The following PIKFYVE variants were observed in gnomAD, a reference collection of about 807,000 sequenced individuals.
PIKFYVE encodes 1-phosphatidylinositol 3-phosphate 5-kinase.
Under a neutral mutation model 257.9 loss-of-function variants are expected in PIKFYVE, and 122 were observed. The ratio of observed to expected loss-of-function variants is 0.47; its 90% CI spans 0.41 to 0.55. The LOEUF is 0.55. Among genes scored for constraint, PIKFYVE ranks in the 20% least tolerant of loss-of-function variants. PIKFYVE has a pLI of 0.00. For synonymous variants in PIKFYVE, 892 were observed against 868.9 expected (o/e 1.03, Z -0.47); for missense variants, 2,160 against 2,536.6 (o/e 0.85, Z 3.19).
In PIKFYVE at chr2:208,355,445, G is replaced by A. The variant is rs1431630306; in HGVS notation, c.*140G>A. On this transcript the variant is annotated 3_prime_UTR_variant, in exon 42 of 42. Transcript: ENST00000264380. ...TTTCAGTTCTGTGGCTGTTTAGACT[G>A]TCCGTAATGGAATGGTAAAACTCCA... The A allele has an allele frequency of 3.0e-6, 2 of 665,214 alleles. No individual in the cohort carries two copies. Among genetic ancestry groups the A allele is most frequent in the Non-Finnish European group, 5.2e-6 (2 of 386,060 alleles). The allele number at this position is 665,214 out of a possible 1,614,324, so 41.2% of individuals were successfully genotyped here. A position where few individuals can be genotyped will look rare whatever the true frequency, so the allele number is the denominator to read the frequency against.
chr2:208,277,407 C>A, intron 4 of PIKFYVE, 130 bp from the exon 5 acceptor site: 1 of 955,082 alleles, frequency 1.0e-6, no homozygotes, highest in Non-Finnish European at 1.6e-6. Context: ...TTATTTTGAC[C>A]TTTCGTATTC....
chr2:208,284,261 CT>C (rs35089730), intron 5 of PIKFYVE, among the ~76,000 whole-genome samples: 18,120 of 139,800 alleles, frequency 0.13, 1,113 homozygotes, highest in Non-Finnish European at 0.15. Context: ...CATTTCTATC[CT>C]TTTTTTTTTT....
chr2:208,320,214 A>AT, intron 16 of PIKFYVE, 38 bp from the exon 17 acceptor site: 1 of 1,596,994 alleles, frequency 6.3e-7, no homozygotes, highest in Non-Finnish European at 8.5e-7. Flanking sequence ...TAAAATGCAA[A>AT]CCTTTAAACA....
At position 208,324,224 on chromosome 2, in the gene PIKFYVE, G is replaced by A. The variant is rs765434299; in HGVS notation, c.2273G>A (p.Arg758Gln). 2.8e-5 allele frequency: 45 copies of A among 1,613,746 alleles called. No homozygotes were observed. Among genetic ancestry groups the A allele is most frequent in the Non-Finnish European group, 3.6e-5 (43 of 1,179,890 alleles). Residue 758 changes from arginine to glutamine, a missense_variant, in exon 18 of 42, where the codon CGG becomes CAG. Around this residue, in one of 12 missense-constraint regions of PIKFYVE, gnomAD observed 346 missense variants for 365.6 expected, o/e 0.95. Coordinates refer to ENST00000264380, the MANE Select transcript of PIKFYVE (RefSeq NM_015040.4). ...TLVLVEKTVS[R>Q]IAQDMLLEHG... ...GTTCTTGTTGAGAAAACAGTGTCTC[G>A]GATTGCCCAGGACATGTTATTGGAA...
intron 31 of PIKFYVE, among the ~76,000 whole-genome samples, chr2:208,340,866 A>G (rs1212933655): frequency 6.6e-6 from 1 of 152,144 alleles, no homozygotes; most frequent in Non-Finnish European, 1.5e-5. Context: ...ACAGTACAGT[A>G]TGTGATATGT....
chr2:208,313,933 A>G (rs937107628), intron 13 of PIKFYVE, among the ~76,000 whole-genome samples: 1 of 152,176 alleles, frequency 6.6e-6, no homozygotes, highest in Non-Finnish European at 1.5e-5. Context: ...TAAAAATTAA[A>G]AGGAGAAGCA....
At chr2:208,340,218 G>C (rs1574712058) in intron 31 of PIKFYVE, 87 bp downstream of exon 31, 3 of 1,499,526 alleles carry the variant, frequency 2.0e-6, no homozygotes, top group East Asian at 2.3e-5. Flanking sequence ...TTTATCTGAT[G>C]CATGATTTTT....
rs200778114 is a variant in PIKFYVE, at chr2:208,269,729, TA to T, written c.-9-1779del. On this transcript the variant is annotated intron_variant, in intron 1 of 41. Coordinates refer to ENST00000264380, the MANE Select transcript of PIKFYVE (RefSeq NM_015040.4). ...GGGATCTTGCCATCCCCCACTCAGT[TA>T]AACAGCTTGAAGGCCACCTTGAACT... 1.3e-3 allele frequency: 314 copies of T among 250,054 alleles called. No homozygotes were observed. The East Asian group carries it at 0.02, about 16-fold the overall frequency. The allele number at this position is 250,054 out of a possible 1,614,324, so 15.5% of individuals were successfully genotyped here. A position where few individuals can be genotyped will look rare whatever the true frequency, so the allele number is the denominator to read the frequency against.
intron 36 of PIKFYVE, among the ~76,000 whole-genome samples, chr2:208,350,489 TA>T (rs1188612718): frequency 6.6e-6 from 1 of 152,208 alleles, no homozygotes; most frequent in Non-Finnish European, 1.5e-5. Flanking sequence ...ATATGGTAGG[TA>T]ACAAGTGTAA....
intron 12 of PIKFYVE, among the ~76,000 whole-genome samples, chr2:208,310,120 T>G (rs753913434): frequency 1.9e-4 from 29 of 152,196 alleles, no homozygotes; most frequent in Admixed American, 5.2e-4. Context: ...CGTAATAGTT[T>G]GCTGAGTGTT....
intron 23 of PIKFYVE, among the ~76,000 whole-genome samples, chr2:208,332,156 G>GTCAT (rs1697616358): frequency 6.6e-6 from 1 of 151,992 alleles, no homozygotes; most frequent in Admixed American, 6.5e-5. Flanking sequence ...ATAGAAAAAT[G>GTCAT]GGCAGAGGAC....
chr2:208,344,976 G>C, intron 32 of PIKFYVE, 135 bp from the exon 33 acceptor site: 1 of 671,934 alleles, frequency 1.5e-6, no homozygotes, highest in South Asian at 1.8e-5. Flanking sequence ...GCTTTTGTCA[G>C]TTAACCAAAA....
At chr2:208,349,139 G>A (rs1357609047) in intron 35 of PIKFYVE, among the ~76,000 whole-genome samples, 1 of 152,066 alleles carries the variant, frequency 6.6e-6, no homozygotes, top group African/African-American at 2.4e-5. Context: ...CTCCTGCCTG[G>A]GTGACAGCAA....
Position 208,350,769 on chromosome 2 carries a change from A to G in PIKFYVE, c.5435-2A>G. 1 of 1,614,080 alleles carries G rather than the reference A, an allele frequency of 6.2e-7. No individual in the cohort carries two copies. Among genetic ancestry groups the G allele is most frequent in the Non-Finnish European group, 8.5e-7 (1 of 1,179,996 alleles). On this transcript the variant is annotated splice_acceptor_variant, in intron 36 of 41. Coordinates refer to ENST00000264380, the MANE Select transcript of PIKFYVE (RefSeq NM_015040.4). LOFTEE classifies it high-confidence loss of function. ...TTTTAAAAAAACTTCTGTTGTTTAT[A>G]GAATTTTCAGATGCTAATGCCAAGT...
intron 2 of PIKFYVE, 69 bp downstream of exon 2, chr2:208,271,760 G>A: frequency 6.9e-7 from 1 of 1,455,264 alleles, no homozygotes; most frequent in Non-Finnish European, 9.6e-7. Context: ...TGTCTCCAGT[G>A]GCTCACCATG....
In PIKFYVE at chr2:208,285,836, T is replaced by C. The variant is rs770024388; in HGVS notation, c.724T>C (p.Ser242Pro). Residue 242 changes from serine to proline, a missense_variant, in exon 6 of 42, where the codon TCT becomes CCT. Ser to Pro is a moderately conservative substitution (Grantham distance 74). Transcript: ENST00000264380. Reference protein sequence around the residue: ...DLNALSDSACSVSVLDPSEPR... With the variant: ...DLNALSDSACPVSVLDPSEPR... The stretch of plus-strand genomic sequence containing the variant: ...GAATGCTCTTTCAGATTCTGCTTGC[T>C]CTGTGTCTGTGCTTGATCCAAGTGA... 1.2e-6 allele frequency: 2 copies of C among 1,614,030 alleles called. No individual in the cohort carries two copies. The highest frequency in any genetic ancestry group is 1.3e-5 in the African/African-American group (1 of 74,926).
rs1696866580 is a variant in PIKFYVE, at chr2:208,325,830, G to T, written c.3019G>T (p.Asp1007Tyr). Residue 1007 changes from aspartate (D) to tyrosine (Y), a missense_variant, in exon 20 of 42, where the codon GAT becomes TAT. Coordinates refer to ENST00000264380, the MANE Select transcript of PIKFYVE (RefSeq NM_015040.4). ...TTTGCAGCAAACAGTTGTGCTGCAGGATCCCAAAAGCCAGATAAGAGCCTT... is the reference window on the plus strand; with the variant it reads ...TTTGCAGCAAACAGTTGTGCTGCAGTATCCCAAAAGCCAGATAAGAGCCTT... The part of the protein sequence containing the change: ...ETLQQTVVLQ[D>Y]PKSQIRAFRD... The T allele has an allele frequency of 6.2e-7, 1 of 1,614,086 alleles. No individual in the cohort carries two copies. Among genetic ancestry groups the T allele is most frequent in the Non-Finnish European group, 8.5e-7 (1 of 1,179,998 alleles).
intron 7 of PIKFYVE, among the ~76,000 whole-genome samples, chr2:208,294,661 G>T (rs769834488): frequency 6.6e-6 from 1 of 152,100 alleles, no homozygotes; most frequent in Non-Finnish European, 1.5e-5. Flanking sequence ...AGGTGAGACA[G>T]AATGGCTGGA....
At position 208,306,863 on chromosome 2, in the gene PIKFYVE, C is replaced by T. The variant is rs181841544; in HGVS notation, c.1636+1850C>T. Among the ~76,000 whole-genome samples, 698 of 152,042 alleles carry T rather than the reference C, an allele frequency of 4.6e-3. 7 individuals are homozygous for T. Among genetic ancestry groups the T allele is most frequent in the African/African-American group, 0.016 (653 of 41,478 alleles). ...CGCGATCTTGGCTCACTGCAACCTC[C>T]GCCTCGTGGGTTCAAGTGATTCTCC... On this transcript the variant is annotated intron_variant, in intron 12 of 41. Coordinates refer to ENST00000264380, the MANE Select transcript of PIKFYVE (RefSeq NM_015040.4).
Sources: gnomAD v4.1 joint callset for allele counts (sites outside exome capture counted in the v4.1 genomes callset) on GRCh38, gnomAD v4.1.1 for gene constraint, gnomAD v4.1.1 regional missense constraint, MANE v1.5 for transcripts, NCBI Gene and HGNC (gene_info 2026-07-23, HGNC 2026-07-21) for gene names.